The following CNTN5 variants were observed in gnomAD, a reference collection of about 807,000 sequenced individuals.
CNTN5 encodes contactin-5.
In CNTN5, 77 loss-of-function variants were observed where a neutral mutation model predicts 129.1. The observed-to-expected ratio is 0.60, with a 90% CI of 0.50 to 0.72. The LOEUF (loss-of-function observed/expected upper bound fraction) is 0.72, where lower values mean the gene tolerates loss of function less well. Ranked by LOEUF, CNTN5 falls within the 30% of genes least tolerant of loss-of-function variation. CNTN5 has a pLI of 0.00. For missense variants in CNTN5, 1,478 were observed against 1,328.8 expected, an observed-to-expected ratio of 1.11 and a Z score of -1.75; for synonymous variants, 509 against 465.6, an observed-to-expected ratio of 1.09 and a Z score of -1.20.
intron 13 of CNTN5, among the ~76,000 whole-genome samples, chr11:100,162,554 T>C (rs1001269386): frequency 1.3e-5 from 2 of 151,850 alleles, no homozygotes; most frequent in African/African-American, 4.8e-5. Context: ...CTCCAAGATA[T>C]TGTCTAGTAT....
At chr11:99,266,310 G>A (rs540351245) in intron 1 of CNTN5, among the ~76,000 whole-genome samples, 1 of 152,058 alleles carries the variant, frequency 6.6e-6, no homozygotes, top group Non-Finnish European at 1.5e-5. Flanking sequence ...TTCAAGTATA[G>A]AGGACAGGCC....
chr11:99,797,399 G>A (rs897061588), intron 3 of CNTN5, among the ~76,000 whole-genome samples: 1 of 152,108 alleles, frequency 6.6e-6, no homozygotes, highest in Non-Finnish European at 1.5e-5. Context: ...TTACACTGCA[G>A]CCTTGCCAGC....
intron 9 of CNTN5, among the ~76,000 whole-genome samples, chr11:100,044,768 A>AT (rs35191775): frequency 0.22 from 33,242 of 151,678 alleles, 4,221 homozygotes; most frequent in East Asian, 0.46. Flanking sequence ...ATTTTATCCC[A>AT]TTTTTCAGGT....
rs982445364 is a variant in CNTN5 at position 99,740,372 on chromosome 11, A to G, written c.56-79172A>G. ...TAATAATTGTCATGGGTGCATGGTAAATAAAAGGAGAACTTGTTTGTTAAG... is the reference window on the plus strand; with the variant it reads ...TAATAATTGTCATGGGTGCATGGTAGATAAAAGGAGAACTTGTTTGTTAAG... On this transcript the variant is annotated intron_variant, in intron 3 of 24. Coordinates refer to ENST00000524871, the MANE Select transcript of CNTN5 (RefSeq NM_014361.4). 2.0e-5 allele frequency among the ~76,000 whole-genome samples: 3 copies of G among 152,170 alleles called. No homozygotes were observed. In the East Asian group the frequency reaches 5.8e-4, roughly 29 times the overall value.
intron 9 of CNTN5, among the ~76,000 whole-genome samples, chr11:100,033,287 A>G (rs1941817685): frequency 6.6e-6 from 1 of 152,222 alleles, no homozygotes; most frequent in African/African-American, 2.4e-5. Flanking sequence ...AGAGTGAGGC[A>G]GGAAATAAAA....
intron 1 of CNTN5, among the ~76,000 whole-genome samples, chr11:99,172,051 A>T (rs1861173023): frequency 6.6e-6 from 1 of 152,218 alleles, no homozygotes; most frequent in African/African-American, 2.4e-5. Context: ...CAGCAAATAC[A>T]AAAGGACATT....
rs372672012 is a variant in CNTN5 at position 99,781,559 on chromosome 11, C to T, written c.56-37985C>T. On this transcript the variant is annotated intron_variant, in intron 3 of 24. Transcript: ENST00000524871. ...TGCCTTGTATTTTAGTGAATATATG[C>T]ACATGCTTACCCTCTCCTGACCCTA... Among the ~76,000 whole-genome samples, 6 of 152,066 alleles carry T rather than the reference C, an allele frequency of 3.9e-5. No homozygotes were observed. The South Asian group carries it at 1.2e-3, about 32-fold the overall frequency.
At chr11:99,527,862 C>A (rs186246458) in intron 2 of CNTN5, among the ~76,000 whole-genome samples, 1 of 152,148 alleles carries the variant, frequency 6.6e-6, no homozygotes, top group Admixed American at 6.5e-5. Context: ...ACAGAGTAGA[C>A]AGAGATCAAG....
At chr11:100,152,852 T>C (rs987749742) in intron 13 of CNTN5, among the ~76,000 whole-genome samples, 2 of 151,944 alleles carry the variant, frequency 1.3e-5, no homozygotes, top group Non-Finnish European at 2.9e-5. Context: ...GAAACTAAGG[T>C]TCAGAAAGTT....
At chr11:99,318,027 A>C (rs753605041) in intron 1 of CNTN5, among the ~76,000 whole-genome samples, 68 of 152,192 alleles carry the variant, frequency 4.5e-4, no homozygotes, top group Non-Finnish European at 8.5e-4. Context: ...TCAAAATCCA[A>C]GTATAAAACT....
intron 3 of CNTN5, among the ~76,000 whole-genome samples, chr11:99,669,497 T>C (rs529641338): frequency 2.6e-5 from 4 of 151,990 alleles, no homozygotes; most frequent in African/African-American, 7.2e-5. Context: ...TATATACACA[T>C]ATATTTTTAT....
At chr11:99,090,616 A>G (rs1866199464) in intron 1 of CNTN5, among the ~76,000 whole-genome samples, 1 of 151,530 alleles carries the variant, frequency 6.6e-6, no homozygotes, top group African/African-American at 2.4e-5. Flanking sequence ...GATCTTAGTT[A>G]TAAGGGAAAA....
At chr11:99,595,846 G>GT (rs1950109793) in intron 3 of CNTN5, among the ~76,000 whole-genome samples, 1 of 151,870 alleles carries the variant, frequency 6.6e-6, no homozygotes, top group Non-Finnish European at 1.5e-5. Context: ...TTGAACTTTA[G>GT]TGTGGTGCAT....
chr11:99,432,449 TCTTTTCTTTTCTTTC>T (rs879814167), intron 2 of CNTN5, among the ~76,000 whole-genome samples: 2,280 of 118,092 alleles, frequency 0.019, 29 homozygotes, highest in Non-Finnish European at 0.03. Context: ...CCTTTTCTTT[TCTTTTCTTTTCTTTC>T]CTTTTCTTTT....
Position 99,431,609 on chromosome 11 carries a change from T to C in CNTN5, c.-71+106125T>C, listed in dbSNP as rs922276095. 2.0e-5 allele frequency among the ~76,000 whole-genome samples: 3 copies of C among 152,246 alleles called. No homozygotes were observed. In the East Asian group the frequency reaches 5.8e-4, roughly 29 times the overall value. On this transcript the variant is annotated intron_variant, in intron 2 of 24. Coordinates refer to ENST00000524871, the MANE Select transcript of CNTN5 (RefSeq NM_014361.4). ...AGCCCAGGCTAGTACTAAGAACCAA[T>C]AGGAGTTTTGTCATGGGTCAGGGTC...
intron 2 of CNTN5, among the ~76,000 whole-genome samples, chr11:99,475,245 C>T (rs938000641): frequency 2.6e-5 from 4 of 152,322 alleles, no homozygotes; most frequent in African/African-American, 9.6e-5. Context: ...GGCACAATTT[C>T]GTCTCCATGT....
chr11:99,888,136 G>A (rs1175033473), intron 6 of CNTN5, among the ~76,000 whole-genome samples: 1 of 151,984 alleles, frequency 6.6e-6, no homozygotes, highest in Non-Finnish European at 1.5e-5. Flanking sequence ...ACAGTCCCTG[G>A]CACATATTTA....
In CNTN5 at chr11:100,071,745, A is replaced by G. The variant is rs201112432; in HGVS notation, c.1340A>G (p.Asn447Ser). The change falls in exon 12 of 25, where the codon AAT (asparagine) becomes AGT (serine). Residue 447 changes from asparagine to serine, a missense_variant. Transcript: ENST00000524871. ...GTTAATGGAGTATTGATGATCCACA[A>G]TGTGAATCAATCAGATGCTGGAATG... ...EMVNGVLMIH[N>S]VNQSDAGMYQ... The G allele has an allele frequency of 2.3e-5, 36 of 1,596,920 alleles. No individual in the cohort carries two copies. The highest frequency in any genetic ancestry group is 1.7e-4 in the Middle Eastern group (1 of 6,058).
At chr11:99,335,379 C>T (rs1866177220) in intron 2 of CNTN5, among the ~76,000 whole-genome samples, 1 of 151,936 alleles carries the variant, frequency 6.6e-6, no homozygotes, top group African/African-American at 2.4e-5. Flanking sequence ...CTATATGGTG[C>T]CCATGCTAAA....
Sources: allele counts gnomAD v4.1 joint callset (sites outside exome capture counted in the v4.1 genomes callset), GRCh38; gene constraint gnomAD v4.1.1; transcripts MANE v1.5; gene names NCBI Gene and HGNC (gene_info 2026-07-23, HGNC 2026-07-21).